ATRNL1: variants seen among roughly 807,000 people sequenced by gnomAD.
The protein encoded by ATRNL1 is attractin like 1, also known as attractin-like protein 1.
A neutral mutation model predicts 182.7 loss-of-function variants in ATRNL1; 95 were observed. The ratio of observed to expected loss-of-function variants is 0.52; its 90% confidence interval spans 0.44 to 0.62. The LOEUF (loss-of-function observed/expected upper bound fraction) is 0.62, where lower values mean the gene tolerates loss of function less well. Among genes scored for constraint, ATRNL1 ranks in the 20% least tolerant of loss-of-function variants. The probability of loss-of-function intolerance (pLI) is 0.00; values close to 1 mark genes in which losing one functional copy is unlikely to be tolerated. For synonymous variants in ATRNL1, 576 were observed against 568.3 expected (o/e 1.01, Z -0.19); for missense variants, 1,471 against 1,679.5 (o/e 0.88, Z 2.17).
chr10:115,518,881 A>G (rs1422830630), intron 24 of ATRNL1, among the ~76,000 whole-genome samples: 1 of 151,810 alleles, frequency 6.6e-6, no homozygotes, highest in African/African-American at 2.4e-5. Context: ...ACATTTGTAT[A>G]TATATATGAA....
At chr10:115,592,334 CAA>C (rs1180745060) in intron 26 of ATRNL1, among the ~76,000 whole-genome samples, 1 of 152,132 alleles carries the variant, frequency 6.6e-6, no homozygotes, top group South Asian at 2.1e-4. Context: ...TTGAAACAAA[CAA>C]GAGATCGCCA....
intron 8 of ATRNL1, among the ~76,000 whole-genome samples, chr10:115,179,944 TTTC>T (rs1408226574): frequency 6.6e-6 from 1 of 152,106 alleles, no homozygotes; most frequent in African/African-American, 2.4e-5. Context: ...TATTTATGTA[TTTC>T]TTCTTATTTA....
At position 115,377,068 on chromosome 10, in the gene ATRNL1, T is replaced by G. The variant is rs549902557; in HGVS notation, c.3176-17591T>G. On this transcript the variant is annotated intron_variant, in intron 19 of 28. Transcript: ENST00000355044. ...TGGATTTCTATTTTGTTCTTTTTAT[T>G]GTTTACATTTTCTTATTAAGCTTCT... Among the ~76,000 whole-genome samples, 13 of 152,300 alleles carry G rather than the reference T, an allele frequency of 8.5e-5. No individual in the cohort carries two copies. In the South Asian group the frequency reaches 2.7e-3, roughly 32 times the overall value.
At chr10:115,738,125 G>T (rs989663298) in intron 27 of ATRNL1, among the ~76,000 whole-genome samples, 29 of 53,180 alleles carry the variant, frequency 5.5e-4, no homozygotes, top group South Asian at 1.4e-3. Context: ...AGAAGATAAT[G>T]ATTTTTTTTT....
At chr10:115,683,248 G>A (rs1461678913) in intron 26 of ATRNL1, among the ~76,000 whole-genome samples, 1 of 151,572 alleles carries the variant, frequency 6.6e-6, no homozygotes, top group Admixed American at 6.6e-5. Context: ...TGGAATTCTG[G>A]ACCAACAGAG....
intron 3 of ATRNL1, 37 bp from the exon 4 acceptor site, chr10:115,127,556 A>G: frequency 3.2e-6 from 5 of 1,553,832 alleles, no homozygotes; most frequent in Non-Finnish European, 4.4e-6. Flanking sequence ...TCTTATGTAT[A>G]TCTATACATA....
chr10:115,612,121 G>A (rs11197353), intron 26 of ATRNL1, among the ~76,000 whole-genome samples: 4,267 of 151,984 alleles, frequency 0.028, 96 homozygotes, highest in Non-Finnish European at 0.043. Context: ...GTGTTGTGGC[G>A]GACGCCTGTA....
intron 24 of ATRNL1, among the ~76,000 whole-genome samples, chr10:115,473,732 AT>A (rs1457061997): frequency 6.6e-6 from 1 of 151,264 alleles, no homozygotes; most frequent in Non-Finnish European, 1.5e-5. Flanking sequence ...GCTTTTTATA[AT>A]TGATTCAATC....
chr10:115,102,921 T>C (rs1843836600), intron 1 of ATRNL1, among the ~76,000 whole-genome samples: 1 of 152,200 alleles, frequency 6.6e-6, no homozygotes, highest in African/African-American at 2.4e-5. Flanking sequence ...ATGTAAATAA[T>C]ATTGAATTAT....
At chr10:115,293,258 A>C (rs147763632) in intron 15 of ATRNL1, among the ~76,000 whole-genome samples, 247 of 152,068 alleles carry the variant, frequency 1.6e-3, no homozygotes, top group African/African-American at 5.6e-3. Context: ...AGGTGAGGTA[A>C]GTTTCTCTTA....
intron 26 of ATRNL1, among the ~76,000 whole-genome samples, chr10:115,640,436 C>T (rs1859164834): frequency 6.6e-6 from 1 of 152,194 alleles, no homozygotes; most frequent in Non-Finnish European, 1.5e-5. Flanking sequence ...TTGCCAGCCT[C>T]TGTTGTTTCC....
chr10:115,374,473 C>A (rs557575956), intron 19 of ATRNL1, among the ~76,000 whole-genome samples: 1 of 146,958 alleles, frequency 6.8e-6, no homozygotes, highest in African/African-American at 2.5e-5. Flanking sequence ...TCCTTCCTTC[C>A]TTCCTTCCTT....
intron 5 of ATRNL1, among the ~76,000 whole-genome samples, chr10:115,134,815 C>G (rs1383817322): frequency 6.6e-6 from 1 of 152,144 alleles, no homozygotes; most frequent in Non-Finnish European, 1.5e-5. Context: ...AATCCAGCAA[C>G]ACATCAAAAA....
At chr10:115,442,892 T>C (rs1554966022) in intron 21 of ATRNL1, among the ~76,000 whole-genome samples, 3 of 152,102 alleles carry the variant, frequency 2.0e-5, no homozygotes, top group Admixed American at 1.3e-4. Flanking sequence ...GGAGAACATA[T>C]ATATATTTTC....
chr10:115,385,581 T>C (rs1017207788), intron 19 of ATRNL1, among the ~76,000 whole-genome samples: 1 of 152,136 alleles, frequency 6.6e-6, no homozygotes, highest in Non-Finnish European at 1.5e-5. Context: ...AATTATATGT[T>C]TTTTTCTTTG....
At chr10:115,260,808 T>C (rs1851361132) in intron 10 of ATRNL1, among the ~76,000 whole-genome samples, 1 of 152,008 alleles carries the variant, frequency 6.6e-6, no homozygotes, top group South Asian at 2.1e-4. Flanking sequence ...GTGAAGAATC[T>C]CCATAAAGTA....
intron 1 of ATRNL1, among the ~76,000 whole-genome samples, chr10:115,112,371 A>T (rs1443313916): frequency 6.6e-6 from 1 of 152,206 alleles, no homozygotes; most frequent in African/African-American, 2.4e-5. Context: ...ACACTAGCTG[A>T]CTGGTCTTTG....
intron 20 of ATRNL1, among the ~76,000 whole-genome samples, chr10:115,397,495 T>A (rs578022798): frequency 6.6e-6 from 1 of 152,018 alleles, no homozygotes; most frequent in African/African-American, 2.4e-5. Flanking sequence ...GAGTGAACTT[T>A]TGGGGGGACC....
chr10:115,788,773 A>G (rs1331741602), intron 27 of ATRNL1, among the ~76,000 whole-genome samples: 2 of 152,206 alleles, frequency 1.3e-5, no homozygotes, highest in African/African-American at 2.4e-5. Flanking sequence ...CAAATCATCA[A>G]CTAGACCTAC....
Sources: allele counts gnomAD v4.1 joint callset (sites outside exome capture counted in the v4.1 genomes callset), GRCh38; gene constraint gnomAD v4.1.1; transcripts MANE v1.5; gene names NCBI Gene and HGNC (gene_info 2026-07-23, HGNC 2026-07-21).